Variants in WDPCP observed in about 807,000 individuals in gnomAD.
The protein encoded by WDPCP is WD repeat-containing and planar cell polarity effector protein fritz homolog.
A neutral mutation model predicts 93.1 loss-of-function variants in WDPCP; 71 were observed. The observed-to-expected ratio is 0.76, with a 90% CI of 0.63 to 0.93. The LOEUF is 0.93. WDPCP is among the 40% of genes least tolerant of loss of function. The pLI is 0.00. For missense variants in WDPCP, 844 were observed against 887.4 expected, an observed-to-expected ratio of 0.95 and a Z score of 0.62; for synonymous variants, 315 against 315.0, an observed-to-expected ratio of 1.00 and a Z score of 0.00.
rs1257370186 is a variant in WDPCP at position 63,186,912 on chromosome 2, GATCTT to G, written c.1916-12085_1916-12081del. ...AAGAGAAGTCCTTTATTTCTTTATT[GATCTT>G]ATCTTATATCTGGTGGTCCTATCCA... On this transcript the variant is annotated intron_variant, in intron 14 of 17. Coordinates refer to ENST00000272321, the MANE Select transcript of WDPCP (RefSeq NM_015910.7). Among the ~76,000 whole-genome samples the G allele has an allele frequency of 4.1e-5, 6 of 146,834 alleles. No individual in the cohort carries two copies. The Admixed American group carries it at 4.1e-4, about 10-fold the overall frequency.
chr2:63,516,939 G>C (rs1034029504), intron 1 of WDPCP, among the ~76,000 whole-genome samples: 4 of 151,498 alleles, frequency 2.6e-5, no homozygotes, highest in Non-Finnish European at 5.9e-5. Context: ...AGAGAAACAG[G>C]GAGGTAGGGA....
At chr2:63,420,375 A>C (rs1354927968) in intron 9 of WDPCP, among the ~76,000 whole-genome samples, 1 of 151,326 alleles carries the variant, frequency 6.6e-6, no homozygotes, top group Non-Finnish European at 1.5e-5. Flanking sequence ...AAAAAAAAAA[A>C]ACAGAAAAAT....
rs143672760 is a variant in WDPCP, at chr2:63,731,152, C to T, written n.309-80314G>A. ...GGTGTGGTGTCACGTGCCTGTAGTT[C>T]CAGCTACTTGGGAGGCTGAGGCAGG... On this transcript the variant is annotated intron_variant and non_coding_transcript_variant, in intron 2 of 4. Transcript: ENST00000467687. 6.6e-5 allele frequency among the ~76,000 whole-genome samples: 10 copies of T among 151,910 alleles called. No individual in the cohort carries two copies. In the East Asian group the frequency reaches 1.4e-3, roughly 21 times the overall value.
chr2:63,797,295 G>A (rs1670629784), intron 2 of WDPCP, among the ~76,000 whole-genome samples: 1 of 152,024 alleles, frequency 6.6e-6, no homozygotes, highest in Non-Finnish European at 1.5e-5. Context: ...CTTTCTGCTT[G>A]AGAAAGGGAG....
the WDPCP span, among the ~76,000 whole-genome samples, chr2:63,840,512 C>T: frequency 6.6e-6 from 1 of 152,184 alleles, no homozygotes. Flanking sequence ...CTAAACCCTC[C>T]TTTTGTTAGC....
At chr2:63,740,999 C>T (rs1669704254) in intron 2 of WDPCP, among the ~76,000 whole-genome samples, 1 of 152,042 alleles carries the variant, frequency 6.6e-6, no homozygotes, top group Non-Finnish European at 1.5e-5. Flanking sequence ...TGGTATTAAC[C>T]AATTTTGGTA....
At chr2:63,822,968 T>C (rs1008553001) in intron 1 of WDPCP, among the ~76,000 whole-genome samples, 32 of 151,594 alleles carry the variant, frequency 2.1e-4, no homozygotes, top group African/African-American at 6.8e-4. Flanking sequence ...AAAACACCCA[T>C]TGACAAATTT....
At chr2:63,679,924 AG>A (rs1229251578) in intron 2 of WDPCP, among the ~76,000 whole-genome samples, 2 of 152,188 alleles carry the variant, frequency 1.3e-5, no homozygotes, top group Non-Finnish European at 2.9e-5. Flanking sequence ...AAAGGCCTAA[AG>A]CCCCCACTAC....
At chr2:63,698,050 G>A (rs1668986383) in intron 2 of WDPCP, among the ~76,000 whole-genome samples, 1 of 151,984 alleles carries the variant, frequency 6.6e-6, no homozygotes, top group Admixed American at 6.6e-5. Context: ...CCACTTCCTG[G>A]GTTCAAGTGA....
At chr2:63,154,071 G>A (rs530372902) in intron 15 of WDPCP, among the ~76,000 whole-genome samples, 2 of 151,606 alleles carry the variant, frequency 1.3e-5, no homozygotes, top group East Asian at 1.9e-4. Flanking sequence ...TTATTATTAT[G>A]TATCTTTTAA....
At chr2:63,215,334 T>C (rs748104483) in intron 14 of WDPCP, among the ~76,000 whole-genome samples, 75 of 151,660 alleles carry the variant, frequency 4.9e-4, no homozygotes, top group Non-Finnish European at 5.6e-4. Context: ...GTAACCAAAA[T>C]AGCATGGTGC....
At chr2:63,273,102 G>GA (rs991690302) in intron 13 of WDPCP, among the ~76,000 whole-genome samples, 39 of 151,588 alleles carry the variant, frequency 2.6e-4, no homozygotes, top group African/African-American at 4.4e-4. Flanking sequence ...ACTACTGAAA[G>GA]AAAAAAAACA....
At chr2:63,334,867 T>G (rs2104384143) in intron 12 of WDPCP, among the ~76,000 whole-genome samples, 1 of 152,244 alleles carries the variant, frequency 6.6e-6, no homozygotes, top group South Asian at 2.1e-4. Context: ...TCCTTCACAA[T>G]TTGCCCACGA....
chr2:63,593,409 G>T, upstream of WDPCP: 1 of 360,750 alleles, frequency 2.8e-6, no homozygotes, highest in African/African-American at 2.2e-5. Context: ...CTTCTTTTTT[G>T]AAATTTTTTT....
intron 1 of WDPCP, among the ~76,000 whole-genome samples, chr2:63,554,315 A>G (rs781572944): frequency 6.6e-6 from 1 of 152,180 alleles, no homozygotes; most frequent in Non-Finnish European, 1.5e-5. Flanking sequence ...TAGGTTCATT[A>G]TATCAGGAGG....
chr2:63,237,967 C>T (rs1478152530), intron 14 of WDPCP, among the ~76,000 whole-genome samples: 4 of 150,646 alleles, frequency 2.7e-5, no homozygotes, highest in Non-Finnish European at 5.9e-5. Flanking sequence ...ATGCATTCCC[C>T]TAGTCTCAAA....
chr2:63,287,144 T>A (rs920346922), intron 13 of WDPCP, among the ~76,000 whole-genome samples: 53 of 152,266 alleles, frequency 3.5e-4, no homozygotes, highest in African/African-American at 1.2e-3. Context: ...ACCAGTCATA[T>A]TGGATAAGGG....
chr2:63,277,176 C>T (rs547091432), intron 13 of WDPCP, among the ~76,000 whole-genome samples: 7 of 152,008 alleles, frequency 4.6e-5, no homozygotes, highest in Admixed American at 2.0e-4. Context: ...CAGACAAATG[C>T]TGAGAGAATT....
intron 14 of WDPCP, among the ~76,000 whole-genome samples, chr2:63,240,836 AC>A (rs1679805147): frequency 6.6e-6 from 1 of 152,170 alleles, no homozygotes; most frequent in African/African-American, 2.4e-5. Context: ...TAACATTTGT[AC>A]CTTTCTCCAC....
Sources: allele counts gnomAD v4.1 joint callset (sites outside exome capture counted in the v4.1 genomes callset), GRCh38; gene constraint gnomAD v4.1.1; transcripts MANE v1.5; gene names NCBI Gene and HGNC (gene_info 2026-07-23, HGNC 2026-07-21).